PIK3C2G: variants seen among roughly 807,000 people sequenced by gnomAD.
PIK3C2G encodes phosphatidylinositol-4-phosphate 3-kinase catalytic subunit type 2 gamma.
PIK3C2G carries 168 observed loss-of-function variants against 181.1 expected under a neutral mutation model. The observed-to-expected ratio is 0.93, with a 90% CI of 0.82 to 1.05. The LOEUF is 1.05. Ranked by LOEUF, PIK3C2G falls within the 50% of genes least tolerant of loss-of-function variation. PIK3C2G has a pLI of 0.00. For synonymous variants in PIK3C2G, 573 were observed against 592.2 expected (o/e 0.97, Z 0.47); for missense variants, 1,869 against 1,732.8 (o/e 1.08, Z -1.40).
intron 18 of PIK3C2G, among the ~76,000 whole-genome samples, chr12:18,474,945 T>C (rs1298987610): frequency 6.6e-6 from 1 of 152,130 alleles, no homozygotes; most frequent in African/African-American, 2.4e-5. Flanking sequence ...TTAAGCACTA[T>C]CATCCAACCT....
chr12:18,700,451 A>C, the PIK3C2G span, among the ~76,000 whole-genome samples: 1 of 136,234 alleles, frequency 7.3e-6, no homozygotes, highest in Non-Finnish European at 1.5e-5. Flanking sequence ...AGAGCTTTGC[A>C]TTCCCCTAGC....
chr12:18,383,392 C>T (rs1942966771), intron 14 of PIK3C2G, among the ~76,000 whole-genome samples: 1 of 152,136 alleles, frequency 6.6e-6, no homozygotes, highest in South Asian at 2.1e-4. Flanking sequence ...GGGACACTAA[C>T]ACAGCGAGAA....
upstream of PIK3C2G, among the ~76,000 whole-genome samples, chr12:18,258,977 G>C (rs915921851): frequency 7.9e-5 from 12 of 152,012 alleles, no homozygotes; most frequent in Non-Finnish European, 1.5e-4. Flanking sequence ...TAAATAACTT[G>C]ATCAAAACAT....
At chr12:18,303,126 C>CTTT (rs1008687429) in intron 5 of PIK3C2G, among the ~76,000 whole-genome samples, 1 of 109,384 alleles carries the variant, frequency 9.1e-6, no homozygotes, top group Non-Finnish European at 2.1e-5. Context: ...TTCTTTCTTT[C>CTTT]TTTCTTTCTT....
chr12:18,575,920 T>A (rs1946211274), intron 29 of PIK3C2G, among the ~76,000 whole-genome samples: 1 of 152,212 alleles, frequency 6.6e-6, no homozygotes, highest in South Asian at 2.1e-4. Context: ...TACTAGCCTA[T>A]AAAACTTCTG....
At chr12:18,630,612 C>A (rs1446921836) in intron 31 of PIK3C2G, among the ~76,000 whole-genome samples, 1 of 152,040 alleles carries the variant, frequency 6.6e-6, no homozygotes, top group Admixed American at 6.6e-5. Context: ...AAAACATAGA[C>A]CTTCCCTTTA....
intron 31 of PIK3C2G, among the ~76,000 whole-genome samples, chr12:18,624,767 T>C (rs977797416): frequency 6.6e-6 from 1 of 151,668 alleles, no homozygotes; most frequent in Non-Finnish European, 1.5e-5. Flanking sequence ...TCAGTCTTCA[T>C]AGGTATATGT....
Position 18,562,779 on chromosome 12 carries a change from A to G in PIK3C2G, c.3667A>G (p.Ile1223Val). The change falls in exon 27 of 33, where the codon ATA becomes GTA. Residue 1223 changes from isoleucine (I) to valine (V), a missense_variant. Physicochemically the swap from Ile to Val is conservative, Grantham distance 29. Transcript: ENST00000538779. ...CCACACACTTGCACAAATGTCAGCC[A>G]TAAGCCCTGCCAAATCTACTTCACA... ...LIHTLAQMSA[I>V]SPAKSTSQTF... The G allele has an allele frequency of 1.9e-6, 3 of 1,608,256 alleles. No individual in the cohort carries two copies. The highest frequency in any genetic ancestry group is 2.5e-6 in the Non-Finnish European group (3 of 1,176,636).
intron 5 of PIK3C2G, among the ~76,000 whole-genome samples, chr12:18,303,688 A>G (rs1950304928): frequency 6.6e-6 from 1 of 152,196 alleles, no homozygotes; most frequent in Non-Finnish European, 1.5e-5. Context: ...TAACTTAAAA[A>G]TAATTCTTAT....
the PIK3C2G span, chr12:18,693,287 G>A: frequency 6.6e-7 from 1 of 1,519,326 alleles, no homozygotes; most frequent in Non-Finnish European, 9.1e-7. Context: ...TGGATCCCCT[G>A]GTCACAGTGA....
chr12:18,430,333 AC>A (rs1333325913), intron 18 of PIK3C2G, among the ~76,000 whole-genome samples: 2 of 152,148 alleles, frequency 1.3e-5, no homozygotes, highest in East Asian at 3.9e-4. Flanking sequence ...CTGGTAGGAA[AC>A]CATATTATAA....
At chr12:18,654,180 G>T in the PIK3C2G span, among the ~76,000 whole-genome samples, 1 of 151,452 alleles carries the variant, frequency 6.6e-6, no homozygotes, top group African/African-American at 2.4e-5. Flanking sequence ...AGCTGGAAGA[G>T]ATAACTATAA....
At chr12:18,277,305 A>G (rs1303494706) in intron 1 of PIK3C2G, among the ~76,000 whole-genome samples, 3 of 152,102 alleles carry the variant, frequency 2.0e-5, no homozygotes, top group African/African-American at 7.2e-5. Context: ...GCAAGTGAGG[A>G]GATACTTGGG....
intron 26 of PIK3C2G, among the ~76,000 whole-genome samples, chr12:18,562,411 C>T (rs1162361800): frequency 1.3e-5 from 2 of 152,198 alleles, no homozygotes; most frequent in African/African-American, 4.8e-5. Flanking sequence ...GGATTACAGG[C>T]GTGAGCCACC....
At chr12:18,491,276 C>A (rs996027104) in intron 19 of PIK3C2G, among the ~76,000 whole-genome samples, 175 bp from the exon 20 acceptor site, 13 of 152,164 alleles carry the variant, frequency 8.5e-5, no homozygotes, top group African/African-American at 2.9e-4. Context: ...GCCCTATTGT[C>A]TTTAGCCCAC....
At chr12:18,568,291 A>T (rs1488210725) in intron 29 of PIK3C2G, among the ~76,000 whole-genome samples, 1 of 152,006 alleles carries the variant, frequency 6.6e-6, no homozygotes, top group Admixed American at 6.6e-5. Flanking sequence ...GTGAGGTAAG[A>T]GTTTGGACGC....
intron 24 of PIK3C2G, among the ~76,000 whole-genome samples, chr12:18,506,797 CTAAT>C (rs1343341911): frequency 2.6e-5 from 4 of 152,070 alleles, no homozygotes; most frequent in Non-Finnish European, 4.4e-5. Flanking sequence ...ATTCCAAAGA[CTAAT>C]TAGTCACTTT....
At chr12:18,496,328 T>A (rs905703237) in intron 21 of PIK3C2G, among the ~76,000 whole-genome samples, 174 bp downstream of exon 21, 2 of 152,154 alleles carry the variant, frequency 1.3e-5, no homozygotes, top group African/African-American at 4.8e-5. Context: ...AAACTCCAAT[T>A]GGCAATAAAT....
intron 18 of PIK3C2G, among the ~76,000 whole-genome samples, chr12:18,485,159 G>A (rs1238482354): frequency 6.6e-6 from 1 of 152,082 alleles, no homozygotes; most frequent in African/African-American, 2.4e-5. Flanking sequence ...ATTACGGCCT[G>A]GATTGAATGA....
Sources: allele counts gnomAD v4.1 joint callset (sites outside exome capture counted in the v4.1 genomes callset), GRCh38; gene constraint gnomAD v4.1.1; transcripts MANE v1.5; gene names NCBI Gene and HGNC (gene_info 2026-07-23, HGNC 2026-07-21).